The following ASPM variants were observed in gnomAD, a reference collection of about 807,000 sequenced individuals.
ASPM encodes abnormal spindle-like microcephaly-associated protein.
In ASPM, 256 loss-of-function variants were observed where a neutral mutation model predicts 366.4. That is an observed-to-expected ratio of 0.70 (90% CI 0.63 to 0.77). ASPM has a LOEUF of 0.77. Ranked by LOEUF, ASPM falls within the 30% of genes least tolerant of loss-of-function variation. ASPM has a pLI of 0.00. For synonymous variants in ASPM, 1,414 were observed against 1,342.9 expected (o/e 1.05, Z -1.16); for missense variants, 4,146 against 4,090.4 (o/e 1.01, Z -0.37).
chr1:197,128,795 T>A, intron 9 of ASPM, 130 bp from the exon 10 acceptor site: 1 of 762,572 alleles, frequency 1.3e-6, no homozygotes, highest in Non-Finnish European at 2.0e-6. Context: ...TATACATTAA[T>A]AATGCAAACT....
chr1:197,142,030 A>T (rs1196874289), intron 3 of ASPM, among the ~76,000 whole-genome samples: 2 of 152,120 alleles, frequency 1.3e-5, no homozygotes, highest in Non-Finnish European at 2.9e-5. Context: ...TCATTTATTC[A>T]CTTATCCATT....
Position 197,101,253 on chromosome 1 carries a change from G to A in ASPM, c.7998C>T (p.Thr2666=), listed in dbSNP as rs1026432286. The A allele has an allele frequency of 2.5e-6, 4 of 1,611,942 alleles. No individual in the cohort carries two copies. The highest frequency in any genetic ancestry group is 2.5e-6 in the Non-Finnish European group (3 of 1,178,904). The change falls in exon 18 of 28, where the codon ACC becomes ACT. Residue 2666 remains threonine (T), a synonymous_variant. Coordinates refer to ENST00000367409, the MANE Select transcript of ASPM (RefSeq NM_018136.5). ...RRYRKLTAVR[T]QAVICIQSYY... Reference sequence around the variant, plus strand: ...AAGACTGTATACAAATAACTGCTTGGGTACGCACTGCAGTTAGTTTTCTGT... The same window carrying A: ...AAGACTGTATACAAATAACTGCTTGAGTACGCACTGCAGTTAGTTTTCTGT...
chr1:197,130,418 A>T (rs1658223661), intron 7 of ASPM, among the ~76,000 whole-genome samples: 2 of 152,266 alleles, frequency 1.3e-5, no homozygotes, highest in African/African-American at 4.8e-5. Context: ...TATAACAGAA[A>T]CCTAAATATT....
intron 19 of ASPM, among the ~76,000 whole-genome samples, chr1:197,094,410 T>A (rs368826537): frequency 6.6e-6 from 1 of 151,754 alleles, no homozygotes; most frequent in East Asian, 1.9e-4. Context: ...GTAAGAAATA[T>A]GAAGTTCTAC....
chr1:197,135,047 T>A (rs1658375058), intron 5 of ASPM, 49 bp downstream of exon 5: 1 of 1,325,410 alleles, frequency 7.5e-7, no homozygotes, highest in East Asian at 2.5e-5. Flanking sequence ...GTTAAAAATC[T>A]TTATCTGTTA....
At position 197,115,294 on chromosome 1, in the gene ASPM, C is replaced by T. The variant is rs538624562; in HGVS notation, c.4065+2495G>A. ...TGCAATTCGGCACACCTTCAGGCAC[C>T]ACTTCTAATTCTAGTTCTCTTGATA... On this transcript the variant is annotated intron_variant, in intron 17 of 27. Coordinates refer to ENST00000367409, the MANE Select transcript of ASPM (RefSeq NM_018136.5). Among the ~76,000 whole-genome samples, 3 of 152,254 alleles carry T rather than the reference C, an allele frequency of 2.0e-5. No individual in the cohort carries two copies. In the South Asian group the frequency reaches 6.2e-4, roughly 32 times the overall value.
intron 20 of ASPM, 72 bp downstream of exon 20, chr1:197,094,012 A>G: frequency 9.4e-7 from 1 of 1,067,390 alleles, no homozygotes; most frequent in Non-Finnish European, 1.3e-6. Flanking sequence ...AAAAATTAAA[A>G]AATACAAAAC....
In ASPM at chr1:197,132,314, T is replaced by C. The variant is rs752612388; in HGVS notation, c.2458A>G (p.Asn820Asp). The C allele has an allele frequency of 6.2e-7, 1 of 1,613,282 alleles. No individual in the cohort carries two copies. The highest frequency in any genetic ancestry group is 8.5e-7 in the Non-Finnish European group (1 of 1,179,528). The change falls in exon 7 of 28, where the codon AAT (asparagine) becomes GAT (aspartate). Residue 820 changes from asparagine (N) to aspartate (D), a missense_variant. Physicochemically the swap from Asn to Asp is conservative, Grantham distance 23 (BLOSUM62 1). Coordinates refer to ENST00000367409, the MANE Select transcript of ASPM (RefSeq NM_018136.5). ...QKVLNWLLSY[N>D]PLWLRIGLET... Reference sequence around the variant, plus strand: ...AGACCAATTCGAAGCCACAAAGGATTGTAGGACAACAGCCAATTCAGGACT... The same window carrying C: ...AGACCAATTCGAAGCCACAAAGGATCGTAGGACAACAGCCAATTCAGGACT...
At chr1:197,108,507 G>C (rs1657481343) in intron 17 of ASPM, among the ~76,000 whole-genome samples, 1 of 151,836 alleles carries the variant, frequency 6.6e-6, no homozygotes, top group African/African-American at 2.4e-5. Context: ...TCAATATCAG[G>C]AATGAAAAAG....
Position 197,135,271 on chromosome 1 carries a change from CAA to C in ASPM, c.2027-31_2027-30del, listed in dbSNP as rs1460987924. 4.3e-6 allele frequency: 7 copies of C among 1,611,226 alleles called. No homozygotes were observed. The South Asian group carries it at 7.7e-5, about 18-fold the overall frequency. On this transcript the variant is annotated intron_variant, in intron 4 of 27. Transcript: ENST00000367409. ...AGAATACAATTAGGTTACTGCATAA[CAA>C]AATTTCCTTTAACTTATTGTACAAT... is the stretch of plus-strand genomic sequence containing the variant.
chr1:197,104,455 CG>C lies in ASPM; in HGVS notation c.4795del (p.Arg1599AspfsTer7), dbSNP rs779449094. 6.2e-7 allele frequency: 1 copy of C among 1,612,718 alleles called. No homozygotes were observed. The highest frequency in any genetic ancestry group is 1.1e-5 in the South Asian group (1 of 91,026). ...TTTCTTCATCTTCTTATATTTCTGT[CG>C]TTGTTGATGTTTTCTTACATGTGCC... ...FQAHVRKHQQRQKYKKMKKAA... is the reference protein window; with the variant it reads ...FQAHVRKHQQXQKYKKMKKAA... On this transcript the variant is annotated frameshift_variant, in exon 18 of 28. Transcript: ENST00000367409. LOFTEE classifies it high-confidence loss of function.
At chr1:197,124,983 A>G (rs1259562563) in intron 11 of ASPM, 28 bp from the exon 12 acceptor site, 1 of 1,605,166 alleles carries the variant, frequency 6.2e-7, no homozygotes. Context: ...GTCCATTAGC[A>G]TAATGTACGC....
intron 25 of ASPM, among the ~76,000 whole-genome samples, chr1:197,089,701 A>C (rs1656712693): frequency 6.6e-6 from 1 of 151,996 alleles, no homozygotes; most frequent in Non-Finnish European, 1.5e-5. Context: ...ATTGTTTTTA[A>C]TATTATTAAT....
Position 197,091,001 on chromosome 1 carries a change from T to C in ASPM, c.9485A>G (p.Gln3162Arg). 1 of 1,612,550 alleles carries C rather than the reference T, an allele frequency of 6.2e-7. No individual in the cohort carries two copies. The highest frequency in any genetic ancestry group is 8.5e-7 in the Non-Finnish European group (1 of 1,179,050). ...RARLQEKRFI[Q>R]KYHSIKKIEH... ...AATCTTTTTGATGCTATGATATTTC[T>C]GAATAAATCTCTTTTCTTGTAATCT... is the stretch of plus-strand genomic sequence containing the variant. The change falls in exon 23 of 28, where the codon CAG becomes CGG. Residue 3162 changes from glutamine to arginine, a missense_variant. Gln to Arg is a conservative substitution (Grantham distance 43). Coordinates refer to ENST00000367409, the MANE Select transcript of ASPM (RefSeq NM_018136.5).
chr1:197,132,122 G>A (rs1184936457), intron 7 of ASPM, among the ~76,000 whole-genome samples, 163 bp downstream of exon 7: 2 of 151,996 alleles, frequency 1.3e-5, no homozygotes, highest in African/African-American at 4.8e-5. Context: ...TACCTAATAA[G>A]CATTTATTAA....
intron 27 of ASPM, 77 bp downstream of exon 27, chr1:197,086,726 G>T: frequency 8.1e-7 from 1 of 1,231,358 alleles, no homozygotes; most frequent in Non-Finnish European, 1.2e-6. Context: ...CTTGTTTATG[G>T]TAAGTGCTCA....
rs1490999936 is a variant in ASPM at position 197,090,394 on chromosome 1, A to G, written c.9637-6T>C. The G allele has an allele frequency of 3.1e-6, 5 of 1,595,568 alleles. No homozygotes were observed. Among genetic ancestry groups the G allele is most frequent in the Admixed American group, 1.7e-5 (1 of 59,600 alleles). ...GAATAGCCTCTCCATAATGCCTTAA[A>G]GAGATAAAACAGAGTAATTTTAAGA... On this transcript the variant is annotated splice_region_variant and splice_polypyrimidine_tract_variant and intron_variant, in intron 23 of 27. Transcript: ENST00000367409.
In ASPM at chr1:197,102,142, G is replaced by A. The variant is rs1029266991; in HGVS notation, c.7109C>T (p.Ala2370Val). 6.2e-7 allele frequency: 1 copy of A among 1,612,906 alleles called. No homozygotes were observed. Among genetic ancestry groups the A allele is most frequent in the African/African-American group, 1.3e-5 (1 of 74,900 alleles). ...CCTCTGCAGTTTTGCAGCTCTATTT[G>A]CTTGGTATTGCTGTTGGATCACAAC... ...ASVVIQQQYQANRAAKLQRQH... is the reference protein window; with the variant it reads ...ASVVIQQQYQVNRAAKLQRQH... Residue 2370 changes from alanine to valine, a missense_variant, in exon 18 of 28, where the codon GCA becomes GTA. Physicochemically the swap from Ala to Val is moderately conservative, Grantham distance 64. Around this residue, in one of 3 missense-constraint regions of ASPM, gnomAD observed 3,624 missense variants for 3,591.7 expected, o/e 1.01. Transcript: ENST00000367409.
chr1:197,090,416 A>G (rs747480714), intron 23 of ASPM, 28 bp from the exon 24 acceptor site: 145 of 1,521,582 alleles, frequency 9.5e-5, no homozygotes, highest in Non-Finnish European at 1.3e-4. Context: ...GAGTAATTTT[A>G]AGATTATAGC....
Sources: gnomAD v4.1 joint callset for allele counts (sites outside exome capture counted in the v4.1 genomes callset) on GRCh38, gnomAD v4.1.1 for gene constraint, gnomAD v4.1.1 regional missense constraint, MANE v1.5 for transcripts, NCBI Gene and HGNC (gene_info 2026-07-23, HGNC 2026-07-21) for gene names.